Variants in MIR2052HG observed in about 807,000 individuals in gnomAD.
MIR2052HG encodes the protein MIR2052 host gene.
intron 1 of MIR2052HG, among the ~76,000 whole-genome samples, chr8:74,605,906 G>A (rs1808103496): frequency 6.6e-6 from 1 of 152,172 alleles, no homozygotes; most frequent in Admixed American, 6.5e-5. Flanking sequence ...TAGAGAAAAT[G>A]CCACACTTTG....
chr8:74,735,273 G>C (rs1321708431), intron 4 of MIR2052HG, among the ~76,000 whole-genome samples: 4 of 152,174 alleles, frequency 2.6e-5, no homozygotes, highest in Non-Finnish European at 5.9e-5. Context: ...GCTGGCCATT[G>C]TAAGAGGCTG....
At chr8:74,745,481 G>A (rs1809874259) in intron 4 of MIR2052HG, among the ~76,000 whole-genome samples, 1 of 152,050 alleles carries the variant, frequency 6.6e-6, no homozygotes, top group Non-Finnish European at 1.5e-5. Flanking sequence ...ATATCTTTGT[G>A]TATGAGGCCT....
intron 2 of MIR2052HG, among the ~76,000 whole-genome samples, chr8:74,655,279 A>C (rs1453175278): frequency 1.3e-5 from 2 of 152,218 alleles, no homozygotes; most frequent in African/African-American, 4.8e-5. Flanking sequence ...AATTTGCATA[A>C]CTAACAAGGA....
At chr8:74,641,265 T>C (rs1326635248) in intron 2 of MIR2052HG, among the ~76,000 whole-genome samples, 1 of 152,220 alleles carries the variant, frequency 6.6e-6, no homozygotes, top group African/African-American at 2.4e-5. Context: ...AAGCTCTTCA[T>C]ATTTATCCTG....
At chr8:74,715,754 A>T (rs1047081766) in intron 4 of MIR2052HG, among the ~76,000 whole-genome samples, 1 of 152,220 alleles carries the variant, frequency 6.6e-6, no homozygotes, top group Admixed American at 6.5e-5. Context: ...GCAATTTGCA[A>T]AAAAGTAATG....
chr8:74,603,326 T>C lies in MIR2052HG; in HGVS notation n.128+3418T>C, dbSNP rs1808053558. ...ATGCCACCCGTCTCCGAGGAAAGCC[T>C]GACATTGATTAGATATTGAGCCAGG... On this transcript the variant is annotated intron_variant and non_coding_transcript_variant, in intron 1 of 6. Transcript: ENST00000523442. 6 of 1,607,928 alleles carry C rather than the reference T, an allele frequency of 3.7e-6. No homozygotes were observed. In the South Asian group the frequency reaches 6.6e-5, roughly 18 times the overall value.
intron 4 of MIR2052HG, among the ~76,000 whole-genome samples, chr8:74,728,323 G>A (rs1301175063): frequency 6.6e-6 from 1 of 152,182 alleles, no homozygotes; most frequent in Non-Finnish European, 1.5e-5. Flanking sequence ...CTTCACTTAT[G>A]TGGCTATAGC....
At chr8:74,623,394 A>G (rs1193315462) in intron 2 of MIR2052HG, among the ~76,000 whole-genome samples, 1 of 152,256 alleles carries the variant, frequency 6.6e-6, no homozygotes. Flanking sequence ...CATGCAGTCA[A>G]TGTAACAGAA....
chr8:74,669,971 G>A (rs1011523654), intron 2 of MIR2052HG, among the ~76,000 whole-genome samples: 3 of 152,236 alleles, frequency 2.0e-5, no homozygotes, highest in Middle Eastern at 3.4e-3. Context: ...AAGGTCAAAT[G>A]AGGTCTTAAA....
intron 4 of MIR2052HG, among the ~76,000 whole-genome samples, chr8:74,733,184 A>G (rs1809712093): frequency 6.6e-6 from 1 of 151,864 alleles, no homozygotes; most frequent in South Asian, 2.1e-4. Context: ...GCACCCACTG[A>G]CTCGTCATCT....
intron 2 of MIR2052HG, among the ~76,000 whole-genome samples, chr8:74,652,028 G>C (rs1454736889): frequency 6.6e-6 from 1 of 152,104 alleles, no homozygotes; most frequent in Non-Finnish European, 1.5e-5. Flanking sequence ...TTTCTCAGTC[G>C]ACTTAGAACC....
chr8:74,683,837 G>C (rs929983834), intron 2 of MIR2052HG, among the ~76,000 whole-genome samples: 18 of 152,040 alleles, frequency 1.2e-4, no homozygotes, highest in African/African-American at 3.4e-4. Flanking sequence ...TCTCCTCTTA[G>C]AGAGATCTTA....
intron 2 of MIR2052HG, among the ~76,000 whole-genome samples, chr8:74,624,789 T>C (rs1586894587): frequency 6.6e-6 from 1 of 152,222 alleles, no homozygotes; most frequent in East Asian, 1.9e-4. Context: ...GTGTTCTTTC[T>C]GATCATACCT....
chr8:74,685,850 A>G (rs1809175149), intron 2 of MIR2052HG, among the ~76,000 whole-genome samples: 1 of 152,104 alleles, frequency 6.6e-6, no homozygotes, highest in African/African-American at 2.4e-5. Flanking sequence ...CAGCTCCCAT[A>G]CATAAAATAT....
At chr8:74,629,464 C>G (rs1437214508) in intron 2 of MIR2052HG, among the ~76,000 whole-genome samples, 1 of 151,782 alleles carries the variant, frequency 6.6e-6, no homozygotes, top group Non-Finnish European at 1.5e-5. Flanking sequence ...TGGAAGTGGT[C>G]TAGGAGGATG....
intron 2 of MIR2052HG, among the ~76,000 whole-genome samples, chr8:74,633,540 T>C (rs1373180763): frequency 1.3e-5 from 2 of 152,224 alleles, no homozygotes; most frequent in Non-Finnish European, 1.5e-5. Context: ...CAGAATGCCA[T>C]CTTACCTTGC....
At chr8:74,735,318 G>C (rs1245291160) in intron 4 of MIR2052HG, among the ~76,000 whole-genome samples, 1 of 152,138 alleles carries the variant, frequency 6.6e-6, no homozygotes, top group African/African-American at 2.4e-5. Flanking sequence ...TGACAAGATG[G>C]AGCCTGCCCC....
chr8:74,694,441 C>T lies in MIR2052HG; in HGVS notation n.217-7938C>T, dbSNP rs568420545. Among the ~76,000 whole-genome samples, 5 of 152,208 alleles carry T rather than the reference C, an allele frequency of 3.3e-5. No homozygotes were observed. In the South Asian group the frequency reaches 6.2e-4, roughly 19 times the overall value. ...CAGAAAAACAATTCTGGTAATACGACGAAACTAGGTTCTTTAACATCCCTG... is the reference window on the plus strand; with the variant it reads ...CAGAAAAACAATTCTGGTAATACGATGAAACTAGGTTCTTTAACATCCCTG... On this transcript the variant is annotated intron_variant and non_coding_transcript_variant, in intron 2 of 6. Coordinates refer to ENST00000523442, the Ensembl canonical transcript of MIR2052HG.
intron 2 of MIR2052HG, among the ~76,000 whole-genome samples, chr8:74,673,919 A>ACACAC (rs1809022031): frequency 6.9e-6 from 1 of 144,936 alleles, no homozygotes; most frequent in African/African-American, 2.6e-5. Context: ...ATACACACAC[A>ACACAC]AAATATCTAT....
Sources: gnomAD v4.1 joint callset for allele counts (sites outside exome capture counted in the v4.1 genomes callset) on GRCh38, gnomAD v4.1.1 for gene constraint, MANE v1.5 for transcripts, NCBI Gene and HGNC (gene_info 2026-07-23, HGNC 2026-07-21) for gene names.